The following JAZF1 variants were observed in gnomAD, a reference collection of about 807,000 sequenced individuals.
The protein encoded by JAZF1 is JAZF zinc finger 1.
JAZF1 carries 8 observed loss-of-function variants against 26.4 expected under a neutral mutation model. That is an observed-to-expected ratio of 0.30 (90% confidence interval 0.18 to 0.55). The LOEUF (loss-of-function observed/expected upper bound fraction) is 0.55. Among genes scored for constraint, JAZF1 ranks in the 20% least tolerant of loss-of-function variants. The pLI, the probability that JAZF1 is intolerant of heterozygous loss-of-function variation, is 0.94. For missense variants in JAZF1, 199 were observed against 322.0 expected (o/e 0.62, Z 2.92); for synonymous variants, 126 against 122.3 (o/e 1.03, Z -0.20).
intron 1 of JAZF1, among the ~76,000 whole-genome samples, chr7:28,045,581 G>GT (rs1385497129): frequency 3.9e-5 from 6 of 152,054 alleles, no homozygotes; most frequent in Non-Finnish European, 8.8e-5. Context: ...GCAGAATTTT[G>GT]TTTTTGTTTT....
chr7:27,887,625 A>G (rs1783891067), intron 3 of JAZF1, among the ~76,000 whole-genome samples: 1 of 152,128 alleles, frequency 6.6e-6, no homozygotes, highest in Admixed American at 6.5e-5. Flanking sequence ...CATGTTTGCC[A>G]GGCTGGTCTC....
At chr7:28,149,879 A>G (rs1040245193) in intron 1 of JAZF1, among the ~76,000 whole-genome samples, 1 of 152,202 alleles carries the variant, frequency 6.6e-6, no homozygotes, top group Non-Finnish European at 1.5e-5. Context: ...GAAATAAAAC[A>G]AAGTCTCACA....
intron 2 of JAZF1, among the ~76,000 whole-genome samples, chr7:27,915,062 T>G (rs1272126641): frequency 6.6e-6 from 1 of 152,198 alleles, no homozygotes; most frequent in Non-Finnish European, 1.5e-5. Flanking sequence ...GAGTTTACTA[T>G]GAGGATGATT....
chr7:27,910,862 C>A (rs896992394), intron 2 of JAZF1, among the ~76,000 whole-genome samples: 2 of 152,196 alleles, frequency 1.3e-5, no homozygotes, highest in Non-Finnish European at 2.9e-5. Context: ...GTTGTTCCCC[C>A]CACCCCAAGT....
chr7:28,108,179 C>A (rs1351529032), intron 1 of JAZF1, among the ~76,000 whole-genome samples: 1 of 152,246 alleles, frequency 6.6e-6, no homozygotes, highest in African/African-American at 2.4e-5. Flanking sequence ...ATTTCCTCAG[C>A]CCTTGCTCTG....
At chr7:27,917,509 G>A (rs1282919642) in intron 2 of JAZF1, among the ~76,000 whole-genome samples, 1 of 152,174 alleles carries the variant, frequency 6.6e-6, no homozygotes, top group Non-Finnish European at 1.5e-5. Context: ...TGATCCTGAT[G>A]CTGTTGGTTT....
Position 28,016,466 on chromosome 7 carries a change from A to T in JAZF1, c.116-24485T>A, listed in dbSNP as rs540499474. Among the ~76,000 whole-genome samples the T allele has an allele frequency of 2.0e-5, 3 of 152,340 alleles. No individual in the cohort carries two copies. The South Asian group carries it at 6.2e-4, about 32-fold the overall frequency. ...TTTTCACTCTGCTGTTTTAATGCCA[A>T]CACCAAGGAATGTGTGTGGCAGCCA... On this transcript the variant is annotated intron_variant, in intron 1 of 4. Transcript: ENST00000283928.
chr7:28,034,506 AT>A (rs1783251589), intron 1 of JAZF1, among the ~76,000 whole-genome samples: 1 of 151,332 alleles, frequency 6.6e-6, no homozygotes, highest in African/African-American at 2.4e-5. Context: ...ACACACACTG[AT>A]TTATAATTTT....
At chr7:28,171,778 G>C (rs750736600) in intron 1 of JAZF1, among the ~76,000 whole-genome samples, 39 of 152,266 alleles carry the variant, frequency 2.6e-4, no homozygotes, top group Non-Finnish European at 4.1e-4. Context: ...TTACAGGATG[G>C]GGGTAATGTC....
intron 3 of JAZF1, among the ~76,000 whole-genome samples, chr7:27,889,932 CAA>C (rs5883106): frequency 0.27 from 38,623 of 144,994 alleles, 5,382 homozygotes; most frequent in East Asian, 0.53. Context: ...GACTTTCTCT[CAA>C]AAAAAAAAAA....
intron 1 of JAZF1, among the ~76,000 whole-genome samples, chr7:28,059,626 C>A (rs971092757): frequency 9.2e-5 from 14 of 151,970 alleles, no homozygotes; most frequent in African/African-American, 3.1e-4. Context: ...GATCTCTTAC[C>A]TTCTTCTCAA....
chr7:27,914,805 G>A (rs1157577608), intron 2 of JAZF1: 1 of 471,040 alleles, frequency 2.1e-6, no homozygotes, highest in Non-Finnish European at 4.4e-6. Context: ...GATGCCCAAT[G>A]TCCCTACAGG....
intron 1 of JAZF1, among the ~76,000 whole-genome samples, chr7:28,168,828 C>T (rs1351152359): frequency 6.6e-6 from 1 of 152,194 alleles, no homozygotes; most frequent in Non-Finnish European, 1.5e-5. Context: ...ACAACACAAT[C>T]CTCCCAATGC....
At chr7:27,896,656 G>A (rs939486688) in intron 2 of JAZF1, among the ~76,000 whole-genome samples, 16 of 152,130 alleles carry the variant, frequency 1.1e-4, no homozygotes, top group African/African-American at 3.6e-4. Flanking sequence ...ATGAAGTTTT[G>A]GAAGTCAACA....
intron 1 of JAZF1, among the ~76,000 whole-genome samples, chr7:28,138,704 T>C (rs909894635): frequency 6.6e-6 from 1 of 152,216 alleles, no homozygotes; most frequent in African/African-American, 2.4e-5. Context: ...TTCCTTGTTA[T>C]GCTGAGTGTT....
At chr7:27,842,045 T>C (rs889211999) in intron 3 of JAZF1, 2 of 152,168 alleles carry the variant, frequency 1.3e-5, no homozygotes, top group African/African-American at 4.8e-5. Context: ...ACACCAAATA[T>C]TGGCACTTTT....
intron 2 of JAZF1, among the ~76,000 whole-genome samples, chr7:27,948,281 C>T (rs1191877508): frequency 6.6e-6 from 1 of 152,234 alleles, no homozygotes; most frequent in African/African-American, 2.4e-5. Flanking sequence ...CTTCATGCCA[C>T]GGTGCTCCAG....
intron 1 of JAZF1, among the ~76,000 whole-genome samples, chr7:28,051,136 A>C (rs1364378334): frequency 6.7e-6 from 1 of 149,696 alleles, no homozygotes; most frequent in African/African-American, 2.5e-5. Context: ...CATCTCAAAA[A>C]AAAAAAAAAA....
chr7:27,948,000 G>T (rs567184108), intron 2 of JAZF1, among the ~76,000 whole-genome samples: 1 of 152,238 alleles, frequency 6.6e-6, no homozygotes, highest in South Asian at 2.1e-4. Context: ...CATGGCAGAG[G>T]CTGCCAAGGA....
Sources: gnomAD v4.1 joint callset for allele counts (sites outside exome capture counted in the v4.1 genomes callset) on GRCh38, gnomAD v4.1.1 for gene constraint, MANE v1.5 for transcripts, NCBI Gene and HGNC (gene_info 2026-07-23, HGNC 2026-07-21) for gene names.